USP38: variants seen among roughly 807,000 people sequenced by gnomAD.
USP38 encodes the protein ubiquitin specific peptidase 38, also known as ubiquitin carboxyl-terminal hydrolase 38.
A neutral mutation model predicts 94.3 loss-of-function variants in USP38; 49 were observed. The ratio of observed to expected loss-of-function variants is 0.52; its 90% CI spans 0.41 to 0.66. The LOEUF (loss-of-function observed/expected upper bound fraction) is 0.66. USP38 is among the 30% of genes least tolerant of loss of function. USP38 has a pLI of 0.00. For synonymous variants in USP38, 468 were observed against 463.6 expected (o/e 1.01, Z -0.12); for missense variants, 1,128 against 1,229.4 (o/e 0.92, Z 1.23).
chr4:143,185,560 A>G lies in USP38; in HGVS notation c.110A>G (p.Gln37Arg), dbSNP rs1282800961. 1 of 1,614,130 alleles carries G rather than the reference A, an allele frequency of 6.2e-7. No homozygotes were observed. The highest frequency in any genetic ancestry group is 1.7e-5 in the Admixed American group (1 of 60,016). ...GCGGAGCACTGGCTAGACGAGGCGC[A>G]GTGCGAGGCCATGTTTGACCTGACG... Reference protein sequence around the residue: ...ESAEHWLDEAQCEAMFDLTTR... With the variant: ...ESAEHWLDEARCEAMFDLTTR... Residue 37 changes from glutamine to arginine, a missense_variant, in exon 1 of 10, where the codon CAG becomes CGG. Physicochemically the swap from Gln to Arg is conservative, Grantham distance 43. Coordinates refer to ENST00000307017, the MANE Select transcript of USP38 (RefSeq NM_032557.6).
intron 2 of USP38, among the ~76,000 whole-genome samples, chr4:143,192,105 T>C (rs1731411999): frequency 6.6e-6 from 1 of 152,246 alleles, no homozygotes; most frequent in Non-Finnish European, 1.5e-5. Flanking sequence ...TTCCTAACTT[T>C]TCTTTCCTTT....
intron 4 of USP38, among the ~76,000 whole-genome samples, chr4:143,199,261 T>G (rs1241031799): frequency 6.6e-6 from 1 of 152,154 alleles, no homozygotes; most frequent in Non-Finnish European, 1.5e-5. Flanking sequence ...GCTGGGTTAG[T>G]TTGCTAAGGA....
At position 143,220,419 on chromosome 4, in the gene USP38, G is replaced by A. The variant is rs138852247; in HGVS notation, c.3092G>A (p.Gly1031Glu). The change falls in exon 10 of 10, where the codon GGA (glycine) becomes GAA (glutamate). Residue 1031 changes from glycine (G) to glutamate (E), a missense_variant. Transcript: ENST00000307017. ...TGTGGACCAACTGGTGGAGGGGGTGGAGGAGGATTTAATACAGTTGGCAGA... is the reference window on the plus strand; with the variant it reads ...TGTGGACCAACTGGTGGAGGGGGTGAAGGAGGATTTAATACAGTTGGCAGA... ...GSCGPTGGGG[G>E]GGFNTVGRLV... 8 of 1,613,098 alleles carry A rather than the reference G, an allele frequency of 5.0e-6. No individual in the cohort carries two copies. Among genetic ancestry groups the A allele is most frequent in the Non-Finnish European group, 6.8e-6 (8 of 1,179,482 alleles).
intron 4 of USP38, among the ~76,000 whole-genome samples, chr4:143,202,144 G>T (rs1731732269): frequency 6.6e-6 from 1 of 152,146 alleles, no homozygotes; most frequent in South Asian, 2.1e-4. Context: ...TTATGCGACA[G>T]AAGTATAATT....
In USP38 at chr4:143,223,427, A is replaced by C. The variant is rs933143838; in HGVS notation, c.*2971A>C. Reference sequence around the variant, plus strand: ...CAAACAGCCTATTACATTAATGCACATGTGGAAAGAACAAAAATTTTCAAG... The same window carrying C: ...CAAACAGCCTATTACATTAATGCACCTGTGGAAAGAACAAAAATTTTCAAG... On this transcript the variant is annotated 3_prime_UTR_variant, in exon 10 of 10. Coordinates refer to ENST00000307017, the MANE Select transcript of USP38 (RefSeq NM_032557.6). 6.6e-6 allele frequency: 1 copy of C among 152,146 alleles called. No homozygotes were observed. Among genetic ancestry groups the C allele is most frequent in the Admixed American group, 6.6e-5 (1 of 15,254 alleles). The allele number at this position is 152,146 out of a possible 1,614,324, so 9.4% of individuals were successfully genotyped here. A position where few individuals can be genotyped will look rare whatever the true frequency, so the allele number is the denominator to read the frequency against.
chr4:143,220,313 C>G lies in USP38; in HGVS notation c.2986C>G (p.Arg996Gly), dbSNP rs202226798. The change falls in exon 10 of 10, where the codon CGA (arginine) becomes GGA (glycine). Residue 996 changes from arginine to glycine, a missense_variant. By Grantham distance (125) the Arg-to-Gly change is moderately radical. Coordinates refer to ENST00000307017, the MANE Select transcript of USP38 (RefSeq NM_032557.6). ...ATTTTAGGAACAAGAGTTGAATGCTCGAGCCCGGGCCCTCCAAGCTGCATC... is the reference window on the plus strand; with the variant it reads ...ATTTTAGGAACAAGAGTTGAATGCTGGAGCCCGGGCCCTCCAAGCTGCATC... ...LYLQEQELNARARALQAASAS... is the reference protein window; with the variant it reads ...LYLQEQELNAGARALQAASAS... 4 of 1,610,418 alleles carry G rather than the reference C, an allele frequency of 2.5e-6. No individual in the cohort carries two copies. Among genetic ancestry groups the G allele is most frequent in the Admixed American group, 3.4e-5 (2 of 59,392 alleles).
rs761305880 is a variant in USP38, at chr4:143,214,654, G to A, written c.2678G>A (p.Arg893Lys). Residue 893 changes from arginine to lysine, a missense_variant, in exon 9 of 10, where the codon AGA (arginine) becomes AAA (lysine). Coordinates refer to ENST00000307017, the MANE Select transcript of USP38 (RefSeq NM_032557.6). ...LASSQSHLLG[R>K]DSPSAVFEQD... ...TCCTCCCAGAGTCATTTACTAGGGA[G>A]AGATAGTCCCAGTGCAGTTTTTGAA... 18 of 1,613,580 alleles carry A rather than the reference G, an allele frequency of 1.1e-5. No homozygotes were observed. The African/African-American group carries it at 1.9e-4, about 17-fold the overall frequency.
At chr4:143,209,992 A>G (rs1178620304) in intron 7 of USP38, among the ~76,000 whole-genome samples, 1 of 152,180 alleles carries the variant, frequency 6.6e-6, no homozygotes, top group African/African-American at 2.4e-5. Flanking sequence ...TTTTAAGTGC[A>G]TCTTTGTTTC....
intron 4 of USP38, among the ~76,000 whole-genome samples, chr4:143,199,616 C>A (rs1023924093): frequency 1.1e-4 from 16 of 152,104 alleles, no homozygotes; most frequent in African/African-American, 3.1e-4. Flanking sequence ...TATAAGTGTT[C>A]CCCTTTTTTT....
intron 6 of USP38, among the ~76,000 whole-genome samples, chr4:143,207,553 G>A (rs892415689): frequency 2.0e-5 from 3 of 152,008 alleles, no homozygotes; most frequent in Admixed American, 2.0e-4. Flanking sequence ...GAAAGAAAGA[G>A]AGAGAGAGAA....
intron 4 of USP38, among the ~76,000 whole-genome samples, chr4:143,202,492 T>G (rs10021800): frequency 0.02 from 3,091 of 152,208 alleles, 81 homozygotes; most frequent in African/African-American, 0.06. Context: ...AGATACCTTT[T>G]ACCATAAGAA....
At position 143,206,029 on chromosome 4, in the gene USP38, A is replaced by G. The variant is rs556695079; in HGVS notation, c.1210-4A>G. ...AAACTGTTTTTCTTCTTTATGACCT[A>G]TAGGATTTTCCTAAGCCCAGTGAAG... On this transcript the variant is annotated splice_polypyrimidine_tract_variant and splice_region_variant and intron_variant, in intron 5 of 9. Transcript: ENST00000307017. 49 of 1,560,560 alleles carry G rather than the reference A, an allele frequency of 3.1e-5. 1 individual carries two copies. The South Asian group carries it at 5.3e-4, about 17-fold the overall frequency.
In USP38 at chr4:143,213,649, G is replaced by A. The variant is rs149836763; in HGVS notation, c.1673G>A (p.Ser558Asn). ...AAGCCTTCTGAAATTCTGGAATGCA[G>A]TGAAACTTCTTTACAGGAAGTAGCT... ...SHKPSEILEC[S>N]ETSLQEVASK... is the part of the protein sequence containing the mutation. Residue 558 changes from serine to asparagine, a missense_variant, in exon 9 of 10, where the codon AGT becomes AAT. Coordinates refer to ENST00000307017, the MANE Select transcript of USP38 (RefSeq NM_032557.6). 1.1e-5 allele frequency: 17 copies of A among 1,613,298 alleles called. No homozygotes were observed. The African/African-American group carries it at 2.3e-4, about 22-fold the overall frequency.
At position 143,212,242 on chromosome 4, in the gene USP38, T is replaced by C. The variant is rs781054927; in HGVS notation, c.1498-76T>C. 127 of 1,212,408 alleles carry C rather than the reference T, an allele frequency of 1.0e-4. No homozygotes were observed. In the Middle Eastern group the frequency reaches 1.4e-3, roughly 13 times the overall value. 75.1% of individuals were successfully genotyped at this position (1,212,408 alleles called of 1,614,324 possible). On this transcript the variant is annotated intron_variant, in intron 7 of 9. Transcript: ENST00000307017. ...ACTGTAAATAACCTTTATTAAACAC[T>C]GTATATTAAGATTTCAGTTACTTGG...
Position 143,185,013 on chromosome 4 carries a change from C to T in USP38, c.-438C>T, listed in dbSNP as rs535578110. On this transcript the variant is annotated 5_prime_UTR_variant, in exon 1 of 10. Transcript: ENST00000307017. ...AGCGCCTCCTGACTCAGCCCAGGACCGGCTTCTTCTCACGACCTGCTGGAG... is the reference window on the plus strand; with the variant it reads ...AGCGCCTCCTGACTCAGCCCAGGACTGGCTTCTTCTCACGACCTGCTGGAG... The T allele has an allele frequency of 1.6e-4, 27 of 164,408 alleles. No individual in the cohort carries two copies. The highest frequency in any genetic ancestry group is 2.9e-4 in the Non-Finnish European group (22 of 76,682). 10.2% of individuals were successfully genotyped at this position (164,408 alleles called of 1,614,324 possible).
chr4:143,212,665 A>G lies in USP38; in HGVS notation c.1604+241A>G, dbSNP rs554362203. On this transcript the variant is annotated intron_variant, in intron 8 of 9. Coordinates refer to ENST00000307017, the MANE Select transcript of USP38 (RefSeq NM_032557.6). ...AAGGACCCCTGCGGGTTCCCAAAAC[A>G]CTTTCAGGAGTCTGTGAGGTCTTCT... Among the ~76,000 whole-genome samples the G allele has an allele frequency of 4.3e-4, 65 of 152,180 alleles. No individual in the cohort carries two copies. In the Middle Eastern group the frequency reaches 0.017, roughly 40 times the overall value.
chr4:143,219,412 C>T (rs796820335), intron 9 of USP38, among the ~76,000 whole-genome samples: 15 of 152,098 alleles, frequency 9.9e-5, no homozygotes, highest in African/African-American at 3.1e-4. Context: ...AATAGTATTA[C>T]CTTGCCAGAT....
At position 143,195,841 on chromosome 4, in the gene USP38, A is replaced by T; in HGVS notation, c.944A>T (p.Glu315Val). Residue 315 changes from glutamate (E) to valine (V), a missense_variant, in exon 3 of 10, where the codon GAA (glutamate) becomes GTA (valine). Physicochemically the swap from Glu to Val is moderately radical, Grantham distance 121. Coordinates refer to ENST00000307017, the MANE Select transcript of USP38 (RefSeq NM_032557.6). The part of the protein sequence containing the change: ...ILIDVTLLKI[E>V]LVFNRLWFPL... ...ATAGATGTTACTTTGCTGAAAATAG[A>T]ACTGGTAAGTGGGAGTATGGAAATC... is the stretch of plus-strand genomic sequence containing the variant. 1 of 1,610,644 alleles carries T rather than the reference A, an allele frequency of 6.2e-7. No individual in the cohort carries two copies. The highest frequency in any genetic ancestry group is 8.5e-7 in the Non-Finnish European group (1 of 1,178,762).
chr4:143,218,358 T>C (rs916955724), intron 9 of USP38, among the ~76,000 whole-genome samples: 3 of 152,144 alleles, frequency 2.0e-5, no homozygotes, highest in African/African-American at 7.2e-5. Flanking sequence ...ACTTTAGTAC[T>C]TGATATAAAT....
Sources: gnomAD v4.1 joint callset for allele counts (sites outside exome capture counted in the v4.1 genomes callset) on GRCh38, gnomAD v4.1.1 for gene constraint, MANE v1.5 for transcripts, NCBI Gene and HGNC (gene_info 2026-07-23, HGNC 2026-07-21) for gene names.